Variants in TNFRSF11A observed in about 807,000 individuals in gnomAD.
TNFRSF11A encodes the protein tumor necrosis factor receptor superfamily member 11A.
A neutral mutation model predicts 55.7 loss-of-function variants in TNFRSF11A; 32 were observed. That is an observed-to-expected ratio of 0.57 (90% CI 0.43 to 0.77). The LOEUF (loss-of-function observed/expected upper bound fraction) is 0.77. Ranked by LOEUF, TNFRSF11A falls within the 30% of genes least tolerant of loss-of-function variation. TNFRSF11A has a pLI of 0.00. For missense variants in TNFRSF11A, 753 were observed against 809.8 expected (o/e 0.93, Z 0.85); for synonymous variants, 311 against 331.0 (o/e 0.94, Z 0.65).
intron 1 of TNFRSF11A, among the ~76,000 whole-genome samples, chr18:62,334,669 T>C (rs749998647): frequency 2.6e-5 from 4 of 152,246 alleles, no homozygotes; most frequent in Non-Finnish European, 4.4e-5. Context: ...TCTTTTGACA[T>C]GTCTCTACCA....
In TNFRSF11A at chr18:62,390,560, C is replaced by T. The variant is rs1180482219; in HGVS notation, c.*5526C>T. On this transcript the variant is annotated 3_prime_UTR_variant, in exon 10 of 10. Coordinates refer to ENST00000586569, the MANE Select transcript of TNFRSF11A (RefSeq NM_003839.4). ...TGGAGTCAATGAAAGCTTTTGCTCT[C>T]ACCCAGGCTCTTGGTTTCTCACGGG... 6.6e-6 allele frequency: 1 copy of T among 152,220 alleles called. No homozygotes were observed. 9.4% of individuals were successfully genotyped at this position (152,220 alleles called of 1,614,324 possible).
intron 1 of TNFRSF11A, among the ~76,000 whole-genome samples, chr18:62,330,481 A>G: frequency 6.6e-6 from 1 of 152,170 alleles, no homozygotes; most frequent in East Asian, 1.9e-4. Context: ...TCCTGGACTC[A>G]GGGGTGTGGG....
intron 6 of TNFRSF11A, among the ~76,000 whole-genome samples, chr18:62,361,270 C>T (rs1909662518): frequency 6.7e-6 from 1 of 148,840 alleles, no homozygotes; most frequent in South Asian, 2.1e-4. Context: ...TTCTCATGAC[C>T]AGCAAACCCC....
intron 2 of TNFRSF11A, 36 bp downstream of exon 2, chr18:62,348,285 C>T (rs1568479071): frequency 1.3e-6 from 2 of 1,570,150 alleles, no homozygotes; most frequent in African/African-American, 1.4e-5. Flanking sequence ...CATTGCCCCT[C>T]AAAAGTGGGT....
At chr18:62,360,109 G>C (rs1279100625) in intron 6 of TNFRSF11A, 60 bp downstream of exon 6, 22 of 1,426,276 alleles carry the variant, frequency 1.5e-5, no homozygotes, top group Non-Finnish European at 2.1e-5. Flanking sequence ...AGCTGGTTTA[G>C]ATCCCTCCCA....
chr18:62,361,859 G>A (rs965554659), intron 7 of TNFRSF11A, 66 bp downstream of exon 7: 3 of 1,402,058 alleles, frequency 2.1e-6, no homozygotes, highest in Admixed American at 3.4e-5. Context: ...AAATGCTTTG[G>A]AAGTTGAGTA....
At chr18:62,340,278 G>A (rs1401927484) in intron 1 of TNFRSF11A, among the ~76,000 whole-genome samples, 2 of 151,918 alleles carry the variant, frequency 1.3e-5, no homozygotes, top group African/African-American at 4.8e-5. Flanking sequence ...GAGTGCAGTG[G>A]TGCAATCACT....
At chr18:62,379,751 G>A (rs767457106) in intron 9 of TNFRSF11A, among the ~76,000 whole-genome samples, 4 of 152,112 alleles carry the variant, frequency 2.6e-5, no homozygotes, top group Non-Finnish European at 4.4e-5. Flanking sequence ...GGACAGGCCC[G>A]TTTTCCATCA....
chr18:62,352,215 A>G (rs2046484689), intron 3 of TNFRSF11A, among the ~76,000 whole-genome samples: 1 of 152,238 alleles, frequency 6.6e-6, no homozygotes, highest in Non-Finnish European at 1.5e-5. Context: ...CTTGTCTTAA[A>G]CTACAATCAG....
chr18:62,341,680 A>G (rs1364364261), intron 1 of TNFRSF11A, among the ~76,000 whole-genome samples: 1 of 152,160 alleles, frequency 6.6e-6, no homozygotes, highest in Non-Finnish European at 1.5e-5. Flanking sequence ...TCAGCTTTGA[A>G]TTGAGGAGGC....
chr18:62,370,493 G>A (rs906097762), intron 9 of TNFRSF11A, among the ~76,000 whole-genome samples: 7 of 152,132 alleles, frequency 4.6e-5, no homozygotes, highest in South Asian at 2.1e-4. Context: ...GCTAGCAGCC[G>A]GTCTTCGAAT....
At position 62,389,564 on chromosome 18, in the gene TNFRSF11A, C is replaced by T. The variant is rs1911915746; in HGVS notation, c.*4530C>T. On this transcript the variant is annotated 3_prime_UTR_variant, in exon 10 of 10. Coordinates refer to ENST00000586569, the MANE Select transcript of TNFRSF11A (RefSeq NM_003839.4). ...AGGCACACCCACAAGACTTGCTGCT[C>T]CTCCTGACCCACCCGCATGGCTCTG... The T allele has an allele frequency of 6.6e-6, 1 of 152,284 alleles. No individual in the cohort carries two copies. The allele number at this position is 152,284 out of a possible 1,614,324, so 9.4% of individuals were successfully genotyped here. A position where few individuals can be genotyped will look rare whatever the true frequency, so the allele number is the denominator to read the frequency against.
chr18:62,340,677 T>C (rs963612701), intron 1 of TNFRSF11A, among the ~76,000 whole-genome samples: 4 of 152,236 alleles, frequency 2.6e-5, no homozygotes, highest in African/African-American at 9.6e-5. Context: ...AAATGAATTA[T>C]ATTTTAAACA....
intron 9 of TNFRSF11A, among the ~76,000 whole-genome samples, chr18:62,380,360 A>G (rs1248660061): frequency 6.6e-6 from 1 of 152,150 alleles, no homozygotes; most frequent in East Asian, 1.9e-4. Context: ...TTAAAGAAAC[A>G]CTTGAAGAAT....
intron 3 of TNFRSF11A, among the ~76,000 whole-genome samples, chr18:62,351,090 C>T (rs2046464217): frequency 6.6e-6 from 1 of 151,428 alleles, no homozygotes; most frequent in Admixed American, 6.6e-5. Flanking sequence ...GCAACCACTC[C>T]CTCCCGGGTT....
intron 1 of TNFRSF11A, among the ~76,000 whole-genome samples, chr18:62,345,116 C>A: frequency 6.6e-6 from 1 of 152,272 alleles, no homozygotes; most frequent in Middle Eastern, 3.4e-3. Context: ...CAGTGCACAG[C>A]GCTCACCAGG....
intron 4 of TNFRSF11A, among the ~76,000 whole-genome samples, chr18:62,357,692 T>C (rs1421093168): frequency 1.3e-5 from 2 of 152,190 alleles, no homozygotes; most frequent in African/African-American, 2.4e-5. Flanking sequence ...CTTCCTCGTC[T>C]TCTTTTTTTA....
At chr18:62,341,612 C>T (rs2046310856) in intron 1 of TNFRSF11A, among the ~76,000 whole-genome samples, 1 of 152,188 alleles carries the variant, frequency 6.6e-6, no homozygotes, top group South Asian at 2.1e-4. Context: ...CAGACCACTG[C>T]AGTGGGGTGT....
intron 1 of TNFRSF11A, among the ~76,000 whole-genome samples, chr18:62,328,839 T>C: frequency 6.6e-6 from 1 of 152,208 alleles, no homozygotes; most frequent in East Asian, 1.9e-4. Context: ...CACTTCCCCC[T>C]AAAATGGCAA....
Sources: allele counts gnomAD v4.1 joint callset (sites outside exome capture counted in the v4.1 genomes callset), GRCh38; gene constraint gnomAD v4.1.1; transcripts MANE v1.5; gene names NCBI Gene and HGNC (gene_info 2026-07-23, HGNC 2026-07-21).